Variants in LMO7 observed in about 807,000 individuals in gnomAD.
LMO7 encodes the protein LIM domain 7, also known as LIM domain only protein 7.
LMO7 carries 120 observed loss-of-function variants against 206.5 expected under a neutral mutation model. The ratio of observed to expected loss-of-function variants is 0.58; its 90% CI spans 0.50 to 0.68. The LOEUF (loss-of-function observed/expected upper bound fraction) is 0.68, where lower values mean the gene tolerates loss of function less well. Among genes scored for constraint, LMO7 ranks in the 30% least tolerant of loss-of-function variants. The pLI is 0.00. For missense variants in LMO7, 1,959 were observed against 1,957.9 expected, an observed-to-expected ratio of 1.00 and a Z score of -0.01; for synonymous variants, 706 against 681.5, an observed-to-expected ratio of 1.04 and a Z score of -0.56.
At chr13:75,842,045 A>T in intron 24 of LMO7, 62 bp downstream of exon 24, 1 of 1,241,676 alleles carries the variant, frequency 8.1e-7, no homozygotes, top group Non-Finnish European at 1.1e-6. Context: ...CTTCAAAGGC[A>T]CCCGCTTGCT....
At chr13:75,626,794 C>G (rs567726230) in intron 2 of LMO7, 1 of 151,648 alleles carries the variant, frequency 6.6e-6, no homozygotes, top group East Asian at 1.9e-4. Context: ...CCATGTTGCC[C>G]AGGCTGGTCT....
chr13:75,621,621 A>G (rs1474459937), exon 1 of LMO7: 2 of 727,766 alleles, frequency 2.7e-6, no homozygotes, highest in African/African-American at 1.8e-5. Context: ...TGCTACAGTG[A>G]TAGGGCAAGT....
At chr13:75,784,167 G>A (rs1354584023) in intron 4 of LMO7, among the ~76,000 whole-genome samples, 1 of 152,168 alleles carries the variant, frequency 6.6e-6, no homozygotes, top group East Asian at 1.9e-4. Context: ...GCATAGTACA[G>A]TTTCCCCCCG....
chr13:75,733,408 G>A (rs897220653), intron 3 of LMO7, among the ~76,000 whole-genome samples: 17 of 152,218 alleles, frequency 1.1e-4, no homozygotes, highest in Non-Finnish European at 2.1e-4. Context: ...GCAAGACTCC[G>A]TGGGCGTAGG....
intron 2 of LMO7, among the ~76,000 whole-genome samples, chr13:75,715,166 T>C (rs1374408832): frequency 1.3e-5 from 2 of 152,192 alleles, no homozygotes; most frequent in Non-Finnish European, 2.9e-5. Context: ...CAGGTTTTGA[T>C]TTAAAATGCA....
chr13:75,729,644 G>T (rs1254355653), intron 3 of LMO7, among the ~76,000 whole-genome samples: 2 of 150,638 alleles, frequency 1.3e-5, no homozygotes, highest in African/African-American at 4.9e-5. Context: ...AATTGCCCTG[G>T]CCAGAACTTC....
chr13:75,771,272 A>G lies in LMO7; in HGVS notation c.317+10234A>G, dbSNP rs1191164487. Among the ~76,000 whole-genome samples the G allele has an allele frequency of 1.3e-5, 2 of 152,116 alleles. 1 individual carries two copies. The highest frequency in any genetic ancestry group is 2.9e-5 in the Non-Finnish European group (2 of 67,984). ...TAAATAAGAACATATGTACCTTAGA[A>G]TAGAAGAGATGTAGTACAAATGTGG... On this transcript the variant is annotated intron_variant, in intron 4 of 30. Transcript: ENST00000377534.
chr13:75,747,713 C>T (rs1051507395), intron 3 of LMO7, among the ~76,000 whole-genome samples: 5 of 152,106 alleles, frequency 3.3e-5, no homozygotes, highest in African/African-American at 1.2e-4. Flanking sequence ...GAATAATGGC[C>T]CCCAAGGATG....
intron 3 of LMO7, among the ~76,000 whole-genome samples, chr13:75,736,881 G>T (rs2045871236): frequency 6.6e-6 from 1 of 152,162 alleles, no homozygotes; most frequent in African/African-American, 2.4e-5. Flanking sequence ...CTAGCATAGT[G>T]ACTGATACAT....
chr13:75,851,244 G>A (rs2060480858), intron 27 of LMO7, among the ~76,000 whole-genome samples: 1 of 152,204 alleles, frequency 6.6e-6, no homozygotes, highest in Non-Finnish European at 1.5e-5. Flanking sequence ...ATAGTTCTAA[G>A]ATAATACATA....
intron 1 of LMO7, among the ~76,000 whole-genome samples, chr13:75,699,629 C>T (rs7999808): frequency 0.22 from 18,889 of 87,012 alleles, 1,515 homozygotes; most frequent in African/African-American, 0.27. Context: ...AGGGAGTGTA[C>T]GAATAGGGCG....
In LMO7 at chr13:75,823,595, G is replaced by A. The variant is rs4884021; in HGVS notation, c.2671G>A (p.Val891Ile). 279,871 of 1,611,954 alleles carry A rather than the reference G, an allele frequency of 0.17. 27,907 individuals are homozygous for A. Among genetic ancestry groups the A allele is most frequent in the African/African-American group, 0.42 (31,114 of 74,878 alleles). The change falls in exon 15 of 31, where the codon GTT (valine) becomes ATT (isoleucine). Residue 891 changes from valine to isoleucine, a missense_variant. Coordinates refer to ENST00000377534, the MANE Select transcript of LMO7 (RefSeq NM_001306080.2). ...MDDAWKYNGD[V>I]EDIKRTPNNV... ...TGATGCTTGGAAGTATAATGGAGAT[G>A]TTGAAGACATTAAGAGAACTCCAAA...
intron 2 of LMO7, among the ~76,000 whole-genome samples, chr13:75,720,034 T>A (rs1440244228): frequency 2.6e-5 from 4 of 152,342 alleles, no homozygotes; most frequent in Admixed American, 2.6e-4. Flanking sequence ...TTGACCATTC[T>A]AATAAATGTG....
chr13:75,632,313 G>A (rs1340729491), upstream of LMO7, among the ~76,000 whole-genome samples: 1 of 152,104 alleles, frequency 6.6e-6, no homozygotes, highest in Non-Finnish European at 1.5e-5. Context: ...AGCAGTGATT[G>A]GTGCCTGAGC....
At chr13:75,750,322 C>T (rs1366918100) in intron 3 of LMO7, among the ~76,000 whole-genome samples, 5 of 150,074 alleles carry the variant, frequency 3.3e-5, no homozygotes, top group Non-Finnish European at 5.9e-5. Context: ...ACCTTTTCCT[C>T]ACTTTAATTG....
chr13:75,661,382 T>C (rs1013100778), intron 1 of LMO7, among the ~76,000 whole-genome samples: 1 of 152,240 alleles, frequency 6.6e-6, no homozygotes, highest in African/African-American at 2.4e-5. Flanking sequence ...CTTTGTAGAC[T>C]GCTTTATGTG....
Position 75,840,121 on chromosome 13 carries a change from T to C in LMO7, c.3477+11T>C, listed in dbSNP as rs1293661343. Reference sequence around the variant, plus strand: ...TCGGTGGTTCCTGATGTAAGTAGCATTCATTTGTCATTTGGAATAAGGTGA... The same window carrying C: ...TCGGTGGTTCCTGATGTAAGTAGCACTCATTTGTCATTTGGAATAAGGTGA... On this transcript the variant is annotated intron_variant, in intron 21 of 30. Coordinates refer to ENST00000377534, the MANE Select transcript of LMO7 (RefSeq NM_001306080.2). The C allele has an allele frequency of 6.2e-7, 1 of 1,613,708 alleles. No individual in the cohort carries two copies. The highest frequency in any genetic ancestry group is 1.3e-5 in the African/African-American group (1 of 74,922).
intron 28 of LMO7, among the ~76,000 whole-genome samples, chr13:75,853,951 G>A (rs961501471): frequency 2.0e-5 from 3 of 152,176 alleles, no homozygotes; most frequent in Admixed American, 1.3e-4. Context: ...ATAATTGCTT[G>A]GGCGTTCTGT....
chr13:75,828,484 C>T (rs1255739550), intron 15 of LMO7, among the ~76,000 whole-genome samples: 1 of 152,118 alleles, frequency 6.6e-6, no homozygotes, highest in East Asian at 1.9e-4. Flanking sequence ...ATTTTAGAGC[C>T]ACTGGGGACA....
Sources: gnomAD v4.1 joint callset for allele counts (sites outside exome capture counted in the v4.1 genomes callset) on GRCh38, gnomAD v4.1.1 for gene constraint, MANE v1.5 for transcripts, NCBI Gene and HGNC (gene_info 2026-07-23, HGNC 2026-07-21) for gene names.